Variants in ERO1B observed in about 807,000 individuals in gnomAD.
ERO1B encodes the protein ERO1-like protein beta.
Under a neutral mutation model 75.3 loss-of-function variants are expected in ERO1B, and 49 were observed. The ratio of observed to expected loss-of-function variants is 0.65; its 90% CI spans 0.52 to 0.83. ERO1B has a LOEUF of 0.83. ERO1B is among the 40% of genes least tolerant of loss of function. The pLI, the probability that ERO1B is intolerant of heterozygous loss-of-function variation, is 0.00. For synonymous variants in ERO1B, 191 were observed against 192.9 expected (o/e 0.99, Z 0.08); for missense variants, 512 against 560.1 (o/e 0.91, Z 0.87).
chr1:236,248,632 T>C (rs1041399937), intron 5 of ERO1B, among the ~76,000 whole-genome samples: 3 of 152,190 alleles, frequency 2.0e-5, no homozygotes, highest in Non-Finnish European at 2.9e-5. Flanking sequence ...ATGAAAAATG[T>C]AGCAGAATGT....
At chr1:236,253,098 C>T (rs552607059) in intron 3 of ERO1B, among the ~76,000 whole-genome samples, 1 of 150,770 alleles carries the variant, frequency 6.6e-6, no homozygotes, top group Admixed American at 6.6e-5. Flanking sequence ...TCCTATGAAA[C>T]AAGATGCTGA....
intron 5 of ERO1B, 52 bp from the exon 6 acceptor site, chr1:236,243,547 T>G (rs1558512345): frequency 8.4e-7 from 1 of 1,189,300 alleles, no homozygotes; most frequent in East Asian, 2.5e-5. Context: ...GAGCTGAAAC[T>G]TTTAATACTG....
At chr1:236,227,973 A>G (rs1342087230) in intron 10 of ERO1B, among the ~76,000 whole-genome samples, 1 of 152,186 alleles carries the variant, frequency 6.6e-6, no homozygotes. Context: ...AACAATATGA[A>G]TATATTTAAT....
chr1:236,263,318 G>T (rs1749580), intron 2 of ERO1B, among the ~76,000 whole-genome samples: 1 of 151,648 alleles, frequency 6.6e-6, no homozygotes, highest in Non-Finnish European at 1.5e-5. Flanking sequence ...GCATGATCTC[G>T]GCTCACAGCA....
chr1:236,263,816 G>T (rs1665350970), intron 2 of ERO1B, among the ~76,000 whole-genome samples: 2 of 75,168 alleles, frequency 2.7e-5, no homozygotes, highest in Admixed American at 3.5e-4. Flanking sequence ...TGAGTCAGTA[G>T]TATCGCTATG....
rs1392925656 is a variant in ERO1B at position 236,221,848 on chromosome 1, TTTTA to T, written c.1209+72_1209+75del. The T allele has an allele frequency of 8.1e-6, 9 of 1,107,318 alleles. No individual in the cohort carries two copies. The African/African-American group carries it at 1.3e-4, about 16-fold the overall frequency. 68.6% of individuals were successfully genotyped at this position (1,107,318 alleles called of 1,614,324 possible). Reference sequence around the variant, plus strand: ...TCTAATTCAATGAACAATGAGGACATTTTAATAAAAAGCTTGGACTCAGTGGAAA... The same window carrying T: ...TCTAATTCAATGAACAATGAGGACATATAAAAAGCTTGGACTCAGTGGAAA... On this transcript the variant is annotated intron_variant, in intron 14 of 15. Transcript: ENST00000354619.
chr1:236,249,486 G>C (rs1420367860), intron 5 of ERO1B, among the ~76,000 whole-genome samples: 2 of 151,778 alleles, frequency 1.3e-5, no homozygotes, highest in Non-Finnish European at 2.9e-5. Context: ...AAAGTTAACA[G>C]AAAAAAAATC....
In ERO1B at chr1:236,245,312, A is replaced by G. The variant is rs189362121; in HGVS notation, c.432-1817T>C. Among the ~76,000 whole-genome samples the G allele has an allele frequency of 7.2e-3, 148 of 20,598 alleles. 11 individuals are homozygous for G. The East Asian group carries it at 0.17, about 24-fold the overall frequency. 13.5% of individuals were successfully genotyped at this position (20,598 alleles called of 152,430 possible). On this transcript the variant is annotated intron_variant, in intron 5 of 15. Coordinates refer to ENST00000354619, the MANE Select transcript of ERO1B (RefSeq NM_019891.4). Reference sequence around the variant, plus strand: ...GCCCAGTCAAAATATATATATATATATATATATATACACACACGTATATAT... The same window carrying G: ...GCCCAGTCAAAATATATATATATATGTATATATATACACACACGTATATAT...
At chr1:236,248,388 G>A (rs1051073298) in intron 5 of ERO1B, among the ~76,000 whole-genome samples, 2 of 152,116 alleles carry the variant, frequency 1.3e-5, no homozygotes, top group African/African-American at 4.8e-5. Flanking sequence ...TATCAAGAAT[G>A]GGTATTAAAA....
chr1:236,268,456 A>C (rs934396472), intron 2 of ERO1B, among the ~76,000 whole-genome samples: 1 of 151,438 alleles, frequency 6.6e-6, no homozygotes, highest in Non-Finnish European at 1.5e-5. Context: ...AACAAAAAAA[A>C]ATTAATTTAG....
At chr1:236,239,877 ATGTG>A (rs202156601) in intron 6 of ERO1B, among the ~76,000 whole-genome samples, 9 of 96,030 alleles carry the variant, frequency 9.4e-5, no homozygotes, top group Non-Finnish European at 1.8e-4. Flanking sequence ...ATATGTGTAT[ATGTG>A]TGTGTGTGTG....
At chr1:236,249,670 T>A (rs975569870) in intron 5 of ERO1B, among the ~76,000 whole-genome samples, 2 of 152,322 alleles carry the variant, frequency 1.3e-5, no homozygotes, top group Middle Eastern at 6.8e-3. Context: ...TTAAAAGATT[T>A]ACTATGGATG....
At chr1:236,268,392 A>G (rs1331327022) in intron 2 of ERO1B, among the ~76,000 whole-genome samples, 1 of 151,980 alleles carries the variant, frequency 6.6e-6, no homozygotes, top group Admixed American at 6.6e-5. Context: ...GTGAACTGAG[A>G]TGGAGCCACT....
chr1:236,221,865 G>T (rs2463189), intron 14 of ERO1B, 59 bp downstream of exon 14: 1 of 1,249,508 alleles, frequency 8.0e-7, no homozygotes, highest in Non-Finnish European at 1.2e-6. Context: ...AAAAAGCTTG[G>T]ACTCAGTGGA....
chr1:236,267,429 C>T (rs1333691373), intron 2 of ERO1B, among the ~76,000 whole-genome samples: 1 of 152,148 alleles, frequency 6.6e-6, no homozygotes, highest in East Asian at 1.9e-4. Context: ...ACGAGATATT[C>T]ATTCAAACAT....
rs765151438 is a variant in ERO1B, at chr1:236,227,349, C to A, written c.713-610G>T. The stretch of plus-strand genomic sequence containing the variant: ...TATAACAGAACGTTATTTGATGTAG[C>A]CTTCTTAAGCCACAGGGGCTTTTTT... On this transcript the variant is annotated intron_variant, in intron 10 of 15. Coordinates refer to ENST00000354619, the MANE Select transcript of ERO1B (RefSeq NM_019891.4). Among the ~76,000 whole-genome samples the A allele has an allele frequency of 1.7e-4, 26 of 152,120 alleles. 1 individual carries two copies. The highest frequency in any genetic ancestry group is 1.3e-4 in the Non-Finnish European group (9 of 68,028).
chr1:236,220,893 G>C lies in ERO1B; in HGVS notation c.1282C>G (p.Pro428Ala). Residue 428 changes from proline (P) to alanine (A), a missense_variant, in exon 15 of 16, where the codon CCA becomes GCA. Transcript: ENST00000354619. Reference protein sequence around the residue: ...KEIQKLPENSPSKGFQLTRQE... With the variant: ...KEIQKLPENSASKGFQLTRQE... ...CGGGTGAGTTGGAAGCCTTTAGATG[G>C]ACTATTCTCTGGAAGCTTTTGGATT... is the stretch of plus-strand genomic sequence containing the variant. 1 of 1,603,582 alleles carries C rather than the reference G, an allele frequency of 6.2e-7. No homozygotes were observed. The highest frequency in any genetic ancestry group is 8.5e-7 in the Non-Finnish European group (1 of 1,175,246).
intron 5 of ERO1B, among the ~76,000 whole-genome samples, 160 bp from the exon 6 acceptor site, chr1:236,243,655 A>G (rs1664768359): frequency 6.6e-6 from 1 of 152,156 alleles, no homozygotes; most frequent in African/African-American, 2.4e-5. Flanking sequence ...ATGACAAAAA[A>G]CAAGTTATAG....
At chr1:236,275,677 C>A (rs1665694933) in intron 1 of ERO1B, among the ~76,000 whole-genome samples, 1 of 152,282 alleles carries the variant, frequency 6.6e-6, no homozygotes, top group Middle Eastern at 3.4e-3. Context: ...AGCCCCCAAT[C>A]CTGAGGCTAT....
Sources: allele counts gnomAD v4.1 joint callset (sites outside exome capture counted in the v4.1 genomes callset), GRCh38; gene constraint gnomAD v4.1.1; transcripts MANE v1.5; gene names NCBI Gene and HGNC (gene_info 2026-07-23, HGNC 2026-07-21).